The following CHST11 variants were observed in gnomAD, a reference collection of about 807,000 sequenced individuals.
The protein encoded by CHST11 is C4S-1.
Under a neutral mutation model 30.4 loss-of-function variants are expected in CHST11, and 9 were observed. The ratio of observed to expected loss-of-function variants is 0.30; its 90% confidence interval spans 0.18 to 0.52. The LOEUF is 0.52. Ranked by LOEUF, CHST11 falls within the 20% of genes least tolerant of loss-of-function variation. The probability of loss-of-function intolerance (pLI) is 0.97; values close to 1 mark genes in which losing one functional copy is unlikely to be tolerated. For synonymous variants in CHST11, 152 were observed against 187.8 expected (o/e 0.81, Z 1.56); for missense variants, 348 against 460.6 (o/e 0.76, Z 2.24).
At chr12:104,496,181 T>A (rs2037795958) in intron 1 of CHST11, among the ~76,000 whole-genome samples, 1 of 152,222 alleles carries the variant, frequency 6.6e-6, no homozygotes, top group Admixed American at 6.5e-5. Context: ...TGAGTTTGGT[T>A]TCTATTCCAA....
intron 2 of CHST11, among the ~76,000 whole-genome samples, chr12:104,698,055 C>A (rs71468227): frequency 1.3e-5 from 2 of 152,172 alleles, no homozygotes; most frequent in East Asian, 3.9e-4. Flanking sequence ...GGTCTCCTGG[C>A]GTCAATGTCC....
At chr12:104,754,110 C>T (rs929164583) in intron 2 of CHST11, among the ~76,000 whole-genome samples, 3 of 152,144 alleles carry the variant, frequency 2.0e-5, no homozygotes, top group African/African-American at 7.2e-5. Context: ...GGTAATTTGC[C>T]AGTTATTTCC....
chr12:104,498,110 G>C (rs941913252), intron 1 of CHST11, among the ~76,000 whole-genome samples: 1 of 151,784 alleles, frequency 6.6e-6, no homozygotes, highest in Non-Finnish European at 1.5e-5. Flanking sequence ...AGTAGAGATG[G>C]GGTTTTGCCG....
intron 2 of CHST11, among the ~76,000 whole-genome samples, chr12:104,671,669 C>T (rs1157377236): frequency 6.6e-6 from 1 of 152,170 alleles, no homozygotes; most frequent in East Asian, 1.9e-4. Context: ...ACCAAAGATT[C>T]CTTTACTTAC....
intron 2 of CHST11, among the ~76,000 whole-genome samples, chr12:104,732,070 TC>T (rs2040262692): frequency 6.6e-6 from 1 of 152,218 alleles, no homozygotes; most frequent in African/African-American, 2.4e-5. Context: ...CTATGCTCGG[TC>T]CCTCCAGGGA....
Position 104,597,450 on chromosome 12 carries a change from G to C in CHST11, c.119-4456G>C, listed in dbSNP as rs539893428. ...CAGGGATTTCTTTTGCGGGGCTTTT[G>C]ATCATCAGACCTTTCATTTTTCAAA... On this transcript the variant is annotated intron_variant, in intron 1 of 2. Coordinates refer to ENST00000303694, the MANE Select transcript of CHST11 (RefSeq NM_018413.6). 2.6e-5 allele frequency among the ~76,000 whole-genome samples: 4 copies of C among 152,112 alleles called. No homozygotes were observed. In the East Asian group the frequency reaches 7.7e-4, roughly 29 times the overall value.
chr12:104,517,477 C>T (rs1217700905), intron 1 of CHST11, among the ~76,000 whole-genome samples: 4 of 152,170 alleles, frequency 2.6e-5, no homozygotes, highest in Non-Finnish European at 4.4e-5. Flanking sequence ...ATCACTTGTA[C>T]ACCAGAGCTT....
chr12:104,711,637 A>G (rs1172832114), intron 2 of CHST11, among the ~76,000 whole-genome samples: 1 of 152,180 alleles, frequency 6.6e-6, no homozygotes, highest in African/African-American at 2.4e-5. Context: ...TTAAGCCTAC[A>G]AGGGTGAATT....
At chr12:104,612,411 G>C (rs2136054255) in intron 2 of CHST11, among the ~76,000 whole-genome samples, 1 of 152,286 alleles carries the variant, frequency 6.6e-6, no homozygotes, top group Non-Finnish European at 1.5e-5. Context: ...CCCCTGTGTG[G>C]GTGCCTGGCT....
intron 2 of CHST11, among the ~76,000 whole-genome samples, chr12:104,617,879 G>A (rs1413016472): frequency 2.6e-5 from 4 of 151,960 alleles, no homozygotes; most frequent in Non-Finnish European, 5.9e-5. Context: ...GCAGTACACA[G>A]TCAAATACAT....
At chr12:104,663,967 CT>C (rs1257966966) in intron 2 of CHST11, among the ~76,000 whole-genome samples, 1 of 152,230 alleles carries the variant, frequency 6.6e-6, no homozygotes, top group African/African-American at 2.4e-5. Flanking sequence ...TCAGCAGCCC[CT>C]GTCCACTAGG....
intron 1 of CHST11, among the ~76,000 whole-genome samples, chr12:104,558,162 C>T (rs75583644): frequency 0.016 from 2,452 of 152,266 alleles, 130 homozygotes; most frequent in East Asian, 0.16. Flanking sequence ...TTTGCCTCCC[C>T]CAGCAGCCTG....
At chr12:104,691,552 A>T (rs1306549057) in intron 2 of CHST11, among the ~76,000 whole-genome samples, 1 of 141,988 alleles carries the variant, frequency 7.0e-6, no homozygotes, top group Non-Finnish European at 1.5e-5. Context: ...CAGTGGTGTG[A>T]TCTCGGCTCA....
At chr12:104,571,602 C>T (rs2038626544) in intron 1 of CHST11, among the ~76,000 whole-genome samples, 1 of 152,188 alleles carries the variant, frequency 6.6e-6, no homozygotes, top group East Asian at 1.9e-4. Context: ...AGGATCACCA[C>T]ACAAGAGGAA....
At chr12:104,570,212 A>G (rs1189697932) in intron 1 of CHST11, among the ~76,000 whole-genome samples, 1 of 152,134 alleles carries the variant, frequency 6.6e-6, no homozygotes, top group Non-Finnish European at 1.5e-5. Context: ...AGGCTCAGGT[A>G]CCTGTTTTTC....
At position 104,578,568 on chromosome 12, in the gene CHST11, G is replaced by A. The variant is rs955886254; in HGVS notation, c.119-23338G>A. Among the ~76,000 whole-genome samples the A allele has an allele frequency of 4.6e-5, 7 of 152,280 alleles. No homozygotes were observed. The South Asian group carries it at 1.2e-3, about 27-fold the overall frequency. On this transcript the variant is annotated intron_variant, in intron 1 of 2. Coordinates refer to ENST00000303694, the MANE Select transcript of CHST11 (RefSeq NM_018413.6). The stretch of plus-strand genomic sequence containing the variant: ...GGCTGTCTCTCTGGGATGACAGCAC[G>A]AGTTGAAAAGTGGAGAATTGAGTCA...
intron 2 of CHST11, among the ~76,000 whole-genome samples, chr12:104,730,099 G>A (rs979467000): frequency 6.6e-6 from 1 of 152,218 alleles, no homozygotes; most frequent in Admixed American, 6.5e-5. Flanking sequence ...TGGGGCCTCC[G>A]TCTAGGGCCT....
At chr12:104,621,118 A>G (rs191819575) in intron 2 of CHST11, among the ~76,000 whole-genome samples, 14 of 152,234 alleles carry the variant, frequency 9.2e-5, no homozygotes, top group Admixed American at 1.3e-4. Flanking sequence ...CAGACTTTCA[A>G]AAGCAGCGTT....
chr12:104,513,791 C>G (rs1035324153), intron 1 of CHST11, among the ~76,000 whole-genome samples: 1 of 152,166 alleles, frequency 6.6e-6, no homozygotes, highest in Non-Finnish European at 1.5e-5. Flanking sequence ...TAGTTGAGGT[C>G]TTTGTATTCA....
Sources: gnomAD v4.1 joint callset for allele counts (sites outside exome capture counted in the v4.1 genomes callset) on GRCh38, gnomAD v4.1.1 for gene constraint, MANE v1.5 for transcripts, NCBI Gene and HGNC (gene_info 2026-07-23, HGNC 2026-07-21) for gene names.